SLC66A2: variants seen among roughly 807,000 people sequenced by gnomAD.
SLC66A2 encodes PQ loop repeat containing 1.
A neutral mutation model predicts 25.5 loss-of-function variants in SLC66A2; 23 were observed. The observed-to-expected ratio is 0.90, with a 90% confidence interval of 0.65 to 1.28. The LOEUF (loss-of-function observed/expected upper bound fraction) is 1.28, where lower values mean the gene tolerates loss of function less well. Among genes scored for constraint, SLC66A2 ranks in the 50% most tolerant of loss-of-function variants. The pLI is 0.00. For missense variants in SLC66A2, 396 were observed against 373.1 expected (o/e 1.06, Z -0.51); for synonymous variants, 193 against 166.5 (o/e 1.16, Z -1.23).
chr18:79,911,770 G>C (rs988971954), intron 5 of SLC66A2, among the ~76,000 whole-genome samples: 1 of 150,726 alleles, frequency 6.6e-6, no homozygotes, highest in African/African-American at 2.4e-5. Context: ...GCAGGGAAGG[G>C]ACAGGAGCAG....
chr18:79,919,405 G>A lies in SLC66A2; in HGVS notation c.392-5C>T, dbSNP rs924413963. The A allele has an allele frequency of 1.3e-5, 21 of 1,612,118 alleles. No homozygotes were observed. Among genetic ancestry groups the A allele is most frequent in the Non-Finnish European group, 1.5e-5 (18 of 1,179,508 alleles). On this transcript the variant is annotated splice_polypyrimidine_tract_variant and splice_region_variant and intron_variant, in intron 4 of 5. Transcript: ENST00000397778. ...AGAAGTGGTGGGGGTCGAAGTCTAGGGCGAGAGGGAGAAGCAGCCTCAGCA... is the reference window on the plus strand; with the variant it reads ...AGAAGTGGTGGGGGTCGAAGTCTAGAGCGAGAGGGAGAAGCAGCCTCAGCA...
At chr18:79,931,914 G>A (rs528180674) in intron 4 of SLC66A2, among the ~76,000 whole-genome samples, 24 of 152,262 alleles carry the variant, frequency 1.6e-4, no homozygotes, top group African/African-American at 5.8e-4. Context: ...CTACTTGGGA[G>A]GCTGAGGCAC....
In SLC66A2 at chr18:79,904,479, C is replaced by T. The variant is rs1342294965; in HGVS notation, c.609-296G>A. ...CCCACCCTTGACTTCTCTGTGGCCGCAAGAGCTGCCGCCTGGCTGGGGCTC... is the reference window on the plus strand; with the variant it reads ...CCCACCCTTGACTTCTCTGTGGCCGTAAGAGCTGCCGCCTGGCTGGGGCTC... On this transcript the variant is annotated intron_variant, in intron 5 of 5. Transcript: ENST00000397778. This position sits in a 1 kb window ranked among gnomAD's most constrained non-coding sequence, Gnocchi z 6.3. 6.6e-6 allele frequency among the ~76,000 whole-genome samples: 1 copy of T among 152,144 alleles called. No homozygotes were observed. Among genetic ancestry groups the T allele is most frequent in the Non-Finnish European group, 1.5e-5 (1 of 68,004 alleles).
At chr18:79,951,546 C>A (rs1218101935) in intron 1 of SLC66A2, 35 bp downstream of exon 1, 4 of 152,246 alleles carry the variant, frequency 2.6e-5, no homozygotes, top group South Asian at 1.8e-4. Flanking sequence ...CTAGGCCGCC[C>A]CCCGAGGACC....
At chr18:79,923,061 G>A (rs1310013554) in intron 4 of SLC66A2, among the ~76,000 whole-genome samples, 1 of 151,814 alleles carries the variant, frequency 6.6e-6, no homozygotes, top group East Asian at 1.9e-4. Flanking sequence ...GCTGGAAAGG[G>A]GCTGCACAGG....
Position 79,916,321 on chromosome 18 carries a change from C to T in SLC66A2, c.608+2863G>A, listed in dbSNP as rs1051446298. 1.3e-5 allele frequency among the ~76,000 whole-genome samples: 2 copies of T among 149,732 alleles called. 1 individual carries two copies. The highest frequency in any genetic ancestry group is 3.0e-5 in the Non-Finnish European group (2 of 67,344). On this transcript the variant is annotated intron_variant, in intron 5 of 5. Transcript: ENST00000397778. ...GGTGCTCCCGTACCCGTGGTGCTCC[C>T]GTACCCACAGTGCTTCTGTAGCTCT...
At chr18:79,915,906 CAT>C (rs1235367722) in intron 5 of SLC66A2, 1 of 153,562 alleles carries the variant, frequency 6.5e-6, no homozygotes, top group Non-Finnish European at 1.5e-5. Context: ...TACTATTTTA[CAT>C]GTGTGTAAGT....
At chr18:79,909,715 A>AGACTTTTT (rs1568292532) in intron 5 of SLC66A2, among the ~76,000 whole-genome samples, 11 of 105,904 alleles carry the variant, frequency 1.0e-4, no homozygotes, top group African/African-American at 1.2e-4. Flanking sequence ...CCATCTCACA[A>AGACTTTTT]CAGAGTCCCC....
chr18:79,934,413 T>G (rs1332196214), intron 3 of SLC66A2, among the ~76,000 whole-genome samples: 1 of 152,220 alleles, frequency 6.6e-6, no homozygotes, highest in African/African-American at 2.4e-5. Context: ...CTCATCTGTA[T>G]GCAAGCTGCG....
intron 2 of SLC66A2, among the ~76,000 whole-genome samples, chr18:79,946,153 C>T (rs1275312919): frequency 6.6e-6 from 1 of 152,162 alleles, no homozygotes; most frequent in African/African-American, 2.4e-5. Context: ...TCTAGAGAAA[C>T]TCGATATGCA....
At position 79,912,790 on chromosome 18, in the gene SLC66A2, G is replaced by A. The variant is rs141327245; in HGVS notation, c.608+6394C>T. ...CACTTTGTAATGTTCCAGAGCCTCCGCTGAACCCTCCTGTCACATGGGCCA... is the reference window on the plus strand; with the variant it reads ...CACTTTGTAATGTTCCAGAGCCTCCACTGAACCCTCCTGTCACATGGGCCA... On this transcript the variant is annotated intron_variant, in intron 5 of 5. Coordinates refer to ENST00000397778, the MANE Select transcript of SLC66A2 (RefSeq NM_025078.5). Among the ~76,000 whole-genome samples, 938 of 152,228 alleles carry A rather than the reference G, an allele frequency of 6.2e-3. 14 individuals are homozygous for A. The highest frequency in any genetic ancestry group is 0.021 in the African/African-American group (890 of 41,528).
Position 79,917,775 on chromosome 18 carries a change from C to T in SLC66A2, c.608+1409G>A, listed in dbSNP as rs950771144. 1.3e-5 allele frequency among the ~76,000 whole-genome samples: 2 copies of T among 151,944 alleles called. No individual in the cohort carries two copies. Among genetic ancestry groups the T allele is most frequent in the Non-Finnish European group, 2.9e-5 (2 of 67,966 alleles). On this transcript the variant is annotated intron_variant, in intron 5 of 5. Coordinates refer to ENST00000397778, the MANE Select transcript of SLC66A2 (RefSeq NM_025078.5). The surrounding 1 kb of genome is among the most constrained non-coding windows in gnomAD (Gnocchi z 6.0). ...TCGCCCGAGAAACCCCAGCAACCCC[C>T]CTGGTCTTGATTCACTGTAATCACA...
At chr18:79,921,278 G>T (rs1173026424) in intron 4 of SLC66A2, among the ~76,000 whole-genome samples, 9 of 1,452 alleles carry the variant, frequency 6.2e-3, no homozygotes, top group East Asian at 0.02. Flanking sequence ...GGGAACCGAG[G>T]GAGAGGTCAG....
At position 79,933,381 on chromosome 18, in the gene SLC66A2, T is replaced by C. The variant is rs544504799; in HGVS notation, c.391+588A>G. Among the ~76,000 whole-genome samples, 15 of 152,250 alleles carry C rather than the reference T, an allele frequency of 9.9e-5. No individual in the cohort carries two copies. In the South Asian group the frequency reaches 2.9e-3, roughly 29 times the overall value. On this transcript the variant is annotated intron_variant, in intron 4 of 5. Coordinates refer to ENST00000397778, the MANE Select transcript of SLC66A2 (RefSeq NM_025078.5). ...TTTCTCACTAAAATGAAGAATAAGA[T>C]AGGTGCATCCACTCTCACCGCCTAT...
At chr18:79,950,169 A>AC (rs564292590) in intron 2 of SLC66A2, among the ~76,000 whole-genome samples, 5 of 151,434 alleles carry the variant, frequency 3.3e-5, no homozygotes, top group South Asian at 2.1e-4. Flanking sequence ...AAGTGAGACA[A>AC]CCCCCCACTC....
intron 2 of SLC66A2, among the ~76,000 whole-genome samples, chr18:79,947,690 C>G (rs8098333): frequency 0.18 from 18,894 of 105,310 alleles, 1,314 homozygotes; most frequent in Middle Eastern, 0.29. Context: ...CCGAGTGTGC[C>G]TGCGCATGCG....
chr18:79,943,691 C>T (rs527596933), intron 2 of SLC66A2: 14 of 497,120 alleles, frequency 2.8e-5, no homozygotes, highest in Middle Eastern at 5.3e-4. Context: ...CCACCCATGC[C>T]GCCTCTCCTG....
rs192696999 is a variant in SLC66A2, at chr18:79,931,398, T to C, written c.391+2571A>G. 1.8e-3 allele frequency among the ~76,000 whole-genome samples: 271 copies of C among 151,964 alleles called. 3 individuals carry two copies. The highest frequency in any genetic ancestry group is 6.0e-3 in the Admixed American group (91 of 15,288). ...TATCAAATGGCAACCACAGGAGACATGCATGTGATGACACTAACGTCAGAA... is the reference window on the plus strand; with the variant it reads ...TATCAAATGGCAACCACAGGAGACACGCATGTGATGACACTAACGTCAGAA... On this transcript the variant is annotated intron_variant, in intron 4 of 5. Coordinates refer to ENST00000397778, the MANE Select transcript of SLC66A2 (RefSeq NM_025078.5).
At chr18:79,913,154 A>G (rs1442169668) in intron 5 of SLC66A2, among the ~76,000 whole-genome samples, 7 of 152,306 alleles carry the variant, frequency 4.6e-5, no homozygotes, top group African/African-American at 1.4e-4. Flanking sequence ...CACCTGCTGC[A>G]GGCACCATGC....
Sources: allele counts gnomAD v4.1 joint callset (sites outside exome capture counted in the v4.1 genomes callset), GRCh38; gene constraint gnomAD v4.1.1; non-coding constraint Gnocchi (gnomAD v3.1); transcripts MANE v1.5; gene names NCBI Gene and HGNC (gene_info 2026-07-23, HGNC 2026-07-21).